The following TARS2 variants were observed in gnomAD, a reference collection of about 807,000 sequenced individuals.
The protein encoded by TARS2 is threonine--tRNA ligase, mitochondrial.
In TARS2, 61 loss-of-function variants were observed where a neutral mutation model predicts 94.4. The ratio of observed to expected loss-of-function variants is 0.65; its 90% CI spans 0.53 to 0.80. The LOEUF (loss-of-function observed/expected upper bound fraction) is 0.80. Ranked by LOEUF, TARS2 falls within the 30% of genes least tolerant of loss-of-function variation. The pLI is 0.00. For synonymous variants in TARS2, 359 were observed against 353.4 expected (o/e 1.02, Z -0.18); for missense variants, 704 against 902.5 (o/e 0.78, Z 2.82).
At position 150,505,097 on chromosome 1, in the gene TARS2, C is replaced by A. The variant is rs1570871805; in HGVS notation, c.1893+119C>A. The A allele has an allele frequency of 2.9e-5, 28 of 964,064 alleles. No individual in the cohort carries two copies. In the South Asian group the frequency reaches 4.3e-4, roughly 15 times the overall value. The allele number at this position is 964,064 out of a possible 1,614,324, so 59.7% of individuals were successfully genotyped here. A position where few individuals can be genotyped will look rare whatever the true frequency, so the allele number is the denominator to read the frequency against. ...GGAAGGAGCACAGCCCTCACAGCCA[C>A]AAGACTGGGCTCGAGTGGCTGCTGT... is the stretch of plus-strand genomic sequence containing the variant. On this transcript the variant is annotated intron_variant, in intron 16 of 17. Coordinates refer to ENST00000369064, the MANE Select transcript of TARS2 (RefSeq NM_025150.5).
At position 150,487,840 on chromosome 1, in the gene TARS2, A is replaced by T; in HGVS notation, c.67-18A>T. ...ATGATGGGACGTGTGTTACCTGCTA[A>T]TATATCTTTCCCTCCAGGCAGTTGT... On this transcript the variant is annotated intron_variant, in intron 1 of 17. Coordinates refer to ENST00000369064, the MANE Select transcript of TARS2 (RefSeq NM_025150.5). 1.2e-6 allele frequency: 2 copies of T among 1,609,048 alleles called. No individual in the cohort carries two copies. The highest frequency in any genetic ancestry group is 1.7e-6 in the Non-Finnish European group (2 of 1,178,110).
At chr1:150,496,762 C>T (rs1221571981) in intron 8 of TARS2, 48 bp from the exon 9 acceptor site, 3 of 1,610,224 alleles carry the variant, frequency 1.9e-6, no homozygotes, top group Non-Finnish European at 1.7e-6. Context: ...GTTCCAAAGC[C>T]ACCTCCTTGC....
Position 150,504,378 on chromosome 1 carries a change from G to T in TARS2, c.1661G>T (p.Cys554Phe), listed in dbSNP as rs774513816. The change falls in exon 14 of 18, where the codon TGT (cysteine) becomes TTT (phenylalanine). Residue 554 changes from cysteine (C) to phenylalanine (F), a missense_variant. Around this residue, in one of 3 missense-constraint regions of TARS2, gnomAD observed 466 missense variants for 609.5 expected, o/e 0.76. Coordinates refer to ENST00000369064, the MANE Select transcript of TARS2 (RefSeq NM_025150.5). ...LHDALGRPHQ[C>F]GTIQLDFQLP... ...GATGCCCTGGGCCGGCCACATCAGTGTGGGACAATTCAGCTTGACTTCCAA... is the reference window on the plus strand; with the variant it reads ...GATGCCCTGGGCCGGCCACATCAGTTTGGGACAATTCAGCTTGACTTCCAA... 2 of 1,614,006 alleles carry T rather than the reference G, an allele frequency of 1.2e-6. No individual in the cohort carries two copies. The highest frequency in any genetic ancestry group is 2.2e-5 in the South Asian group (2 of 91,086).
chr1:150,507,349 C>T lies in TARS2; in HGVS notation c.*285C>T, dbSNP rs1364591000. The T allele has an allele frequency of 1.7e-5, 5 of 299,682 alleles. No homozygotes were observed. In the East Asian group the frequency reaches 3.7e-4, roughly 22 times the overall value. 18.6% of individuals were successfully genotyped at this position (299,682 alleles called of 1,614,324 possible). The stretch of plus-strand genomic sequence containing the variant: ...CTCTGGGAGGCTGAGGCGGACGGAT[C>T]ATGAGGTCAGGAGATCAAGACCACC... On this transcript the variant is annotated 3_prime_UTR_variant, in exon 18 of 18. Coordinates refer to ENST00000369064, the MANE Select transcript of TARS2 (RefSeq NM_025150.5).
intron 17 of TARS2, among the ~76,000 whole-genome samples, chr1:150,506,484 GCGCACA>G (rs1416852422): frequency 1.1e-4 from 10 of 93,444 alleles, no homozygotes; most frequent in Admixed American, 1.3e-4. Context: ...AGACACGCGC[GCGCACA>G]CACACACACA....
At position 150,502,902 on chromosome 1, in the gene TARS2, A is replaced by G. The variant is rs1441083145; in HGVS notation, c.1618-1433A>G. ...TCAGCAATAACAGTAGGCAAATAAA[A>G]TATCTTTATTACTAAGAAAAAAATT... On this transcript the variant is annotated intron_variant, in intron 13 of 17. Transcript: ENST00000369064. Among the ~76,000 whole-genome samples, 3 of 152,264 alleles carry G rather than the reference A, an allele frequency of 2.0e-5. No individual in the cohort carries two copies. The East Asian group carries it at 5.8e-4, about 29-fold the overall frequency.
chr1:150,489,140 A>G (rs1232574053), intron 3 of TARS2, 53 bp downstream of exon 3: 2 of 1,612,432 alleles, frequency 1.2e-6, no homozygotes, highest in Admixed American at 3.3e-5. Flanking sequence ...AGAGATATTG[A>G]AGCAGGAAAT....
At chr1:150,488,313 G>A (rs1570829566) in intron 2 of TARS2, 1 of 371,044 alleles carries the variant, frequency 2.7e-6, no homozygotes, top group African/African-American at 2.0e-5. Flanking sequence ...GGGATTACAG[G>A]CATGAGCCAC....
At position 150,498,662 on chromosome 1, in the gene TARS2, C is replaced by G. The variant is rs752886957; in HGVS notation, c.1399C>G (p.Gln467Glu). The G allele has an allele frequency of 6.2e-7, 1 of 1,613,434 alleles. No individual in the cohort carries two copies. Among genetic ancestry groups the G allele is most frequent in the Non-Finnish European group, 8.5e-7 (1 of 1,179,808 alleles). ...DDAHIFCTTD[Q>E]LEAEIQSCLD... Reference sequence around the variant, plus strand: ...CGCTCACATCTTCTGTACAACAGATCAGGTGGCCTTTCCCTGGCTCCACCA... The same window carrying G: ...CGCTCACATCTTCTGTACAACAGATGAGGTGGCCTTTCCCTGGCTCCACCA... The change falls in exon 11 of 18, where the codon CAG becomes GAG. Residue 467 changes from glutamine (Q) to glutamate (E), a missense_variant and splice_region_variant. By Grantham distance (29) the Gln-to-Glu change is conservative (BLOSUM62 2). Transcript: ENST00000369064.
intron 6 of TARS2, chr1:150,491,973 T>TTTG (rs1669412716): frequency 3.5e-6 from 1 of 285,416 alleles, no homozygotes; most frequent in African/African-American, 2.3e-5. Flanking sequence ...TTTTTTTTTT[T>TTTG]TTTTTTTTTT....
intron 17 of TARS2, 118 bp from the exon 18 acceptor site, chr1:150,506,798 C>A: frequency 7.5e-7 from 1 of 1,338,148 alleles, no homozygotes; most frequent in Non-Finnish European, 1.0e-6. Flanking sequence ...TGAACCATAT[C>A]TGGGCTCTGC....
In TARS2 at chr1:150,491,644, C is replaced by T. The variant is rs781160301; in HGVS notation, c.677C>T (p.Pro226Leu). Residue 226 changes from proline to leucine, a missense_variant, in exon 6 of 18, where the codon CCA (proline) becomes CTA (leucine). Around this residue, in one of 3 missense-constraint regions of TARS2, gnomAD observed 30 missense variants for 64.5 expected, o/e 0.47. Coordinates refer to ENST00000369064, the MANE Select transcript of TARS2 (RefSeq NM_025150.5). ...LHLIEEKVTG[P>L]TATVYGCGTL... Reference sequence around the variant, plus strand: ...TTGATTGAGGAGAAAGTGACAGGTCCAACAGCAACAGTATATGGGTAAGAG... The same window carrying T: ...TTGATTGAGGAGAAAGTGACAGGTCTAACAGCAACAGTATATGGGTAAGAG... The T allele has an allele frequency of 3.7e-6, 6 of 1,614,046 alleles. No individual in the cohort carries two copies. In the South Asian group the frequency reaches 6.6e-5, roughly 18 times the overall value.
At chr1:150,495,202 G>A (rs1190049803) in intron 7 of TARS2, among the ~76,000 whole-genome samples, 31 of 147,080 alleles carry the variant, frequency 2.1e-4, no homozygotes, top group African/African-American at 7.3e-4. Context: ...AAAATTAGTC[G>A]AGTGTGGTGG....
intron 16 of TARS2, 21 bp downstream of exon 16, chr1:150,504,999 AG>A: frequency 6.2e-7 from 1 of 1,613,444 alleles, no homozygotes. Context: ...GAGGTAAGGG[AG>A]GGGGCAGAAG....
At chr1:150,487,570 G>A in intron 1 of TARS2, 54 bp downstream of exon 1, 1 of 1,611,042 alleles carries the variant, frequency 6.2e-7, no homozygotes, top group Admixed American at 1.7e-5. Flanking sequence ...CCCAGCCGAA[G>A]CCCCCAAATT....
rs1224767066 is a variant in TARS2 at position 150,504,624 on chromosome 1, C to A, written c.1719-8C>A. On this transcript the variant is annotated splice_region_variant and splice_polypyrimidine_tract_variant and intron_variant, in intron 14 of 17. Transcript: ENST00000369064. The stretch of plus-strand genomic sequence containing the variant: ...CATTCCATCCACCCCCCCCTTTTTC[C>A]TTTCAAGGCAGGCGGGTGCCCTGGA... 2.5e-6 allele frequency: 4 copies of A among 1,610,152 alleles called. No individual in the cohort carries two copies. In the African/African-American group the frequency reaches 5.3e-5, roughly 22 times the overall value.
Position 150,501,258 on chromosome 1 carries a change from T to A in TARS2, c.1617+1965T>A, listed in dbSNP as rs146832639. ...GAGTTTGATACCAGCCTGGGCAACA[T>A]AGTAACAGGGCATCATAATAAGACC... On this transcript the variant is annotated intron_variant, in intron 13 of 17. Coordinates refer to ENST00000369064, the MANE Select transcript of TARS2 (RefSeq NM_025150.5). Among the ~76,000 whole-genome samples, 469 of 145,030 alleles carry A rather than the reference T, an allele frequency of 3.2e-3. 2 individuals carry two copies. Among genetic ancestry groups the A allele is most frequent in the Middle Eastern group, 0.022 (6 of 268 alleles).
At position 150,492,397 on chromosome 1, in the gene TARS2, CT is replaced by C. The variant is rs1560246257; in HGVS notation, c.696-12del. The C allele has an allele frequency of 6.2e-7, 1 of 1,613,862 alleles. No individual in the cohort carries two copies. ...GATTCTGAAAATCACTAACTGGCCT[CT>C]TCTTTCTCCTAGGTGTGGCACATTG... On this transcript the variant is annotated splice_polypyrimidine_tract_variant and intron_variant, in intron 6 of 17. Transcript: ENST00000369064.
At chr1:150,500,899 G>C (rs1669883766) in intron 13 of TARS2, among the ~76,000 whole-genome samples, 1 of 152,144 alleles carries the variant, frequency 6.6e-6, no homozygotes, top group Non-Finnish European at 1.5e-5. Flanking sequence ...AGAAGTTGTT[G>C]TAAAGGGAAG....
Sources: allele counts gnomAD v4.1 joint callset (sites outside exome capture counted in the v4.1 genomes callset), GRCh38; gene constraint gnomAD v4.1.1; regional missense constraint gnomAD v4.1.1; transcripts MANE v1.5; gene names NCBI Gene and HGNC (gene_info 2026-07-23, HGNC 2026-07-21).